The following NCAPH variants were observed in gnomAD, a reference collection of about 807,000 sequenced individuals.
NCAPH encodes the protein non-SMC condensin I complex subunit H, also known as condensin complex subunit 2.
Under a neutral mutation model 85.5 loss-of-function variants are expected in NCAPH, and 38 were observed. That is an observed-to-expected ratio of 0.44 (90% confidence interval 0.34 to 0.58). The LOEUF (loss-of-function observed/expected upper bound fraction) is 0.58, where lower values mean the gene tolerates loss of function less well. Ranked by LOEUF, NCAPH falls within the 20% of genes least tolerant of loss-of-function variation. The pLI, the probability that NCAPH is intolerant of heterozygous loss-of-function variation, is 0.01. For synonymous variants in NCAPH, 301 were observed against 335.1 expected, an observed-to-expected ratio of 0.90 and a Z score of 1.11; for missense variants, 789 against 916.6, an observed-to-expected ratio of 0.86 and a Z score of 1.80.
chr2:96,354,483 T>C, intron 9 of NCAPH, 95 bp downstream of exon 9: 1 of 1,012,962 alleles, frequency 9.9e-7, no homozygotes. Context: ...TTTTTCTTTC[T>C]TTTTTTTTCC....
chr2:96,375,515 C>G lies in NCAPH; in HGVS notation c.*2164C>G, dbSNP rs1448653674. On this transcript the variant is annotated 3_prime_UTR_variant, in exon 18 of 18. Coordinates refer to ENST00000240423, the MANE Select transcript of NCAPH (RefSeq NM_015341.5). ...TAAGGATGCAATGAGAAGGCACCAT[C>G]TGTGAGCAAGGAGCCCCTCACCAGA... Among the ~76,000 whole-genome samples the G allele has an allele frequency of 6.6e-6, 1 of 152,212 alleles. No homozygotes were observed. Among genetic ancestry groups the G allele is most frequent in the African/African-American group, 2.4e-5 (1 of 41,450 alleles).
chr2:96,339,210 TTTTG>T (rs771201484), intron 1 of NCAPH, among the ~76,000 whole-genome samples: 23 of 152,302 alleles, frequency 1.5e-4, no homozygotes, highest in East Asian at 3.9e-4. Context: ...ATGCTGAGGT[TTTTG>T]TTTGTTTGTT....
chr2:96,335,878 G>T, intron 1 of NCAPH, 30 bp downstream of exon 1: 1 of 1,451,670 alleles, frequency 6.9e-7, no homozygotes. Flanking sequence ...GGCGCGGCGG[G>T]AAGGGCCCCT....
At chr2:96,360,521 TA>T in intron 11 of NCAPH, 66 bp from the exon 12 acceptor site, 4 of 1,582,836 alleles carry the variant, frequency 2.5e-6, no homozygotes, top group Non-Finnish European at 3.5e-6. Context: ...CAGACTGCTT[TA>T]AAAAAAGTAA....
At chr2:96,344,002 TCA>T (rs2064330436) in intron 5 of NCAPH, 101 bp from the exon 6 acceptor site, 13 of 1,447,900 alleles carry the variant, frequency 9.0e-6, no homozygotes, top group Non-Finnish European at 1.1e-5. Context: ...ACACCTGGCC[TCA>T]CATGTTTAAA....
At position 96,376,788 on chromosome 2, in the gene NCAPH, T is replaced by C. The variant is rs2064836709; in HGVS notation, c.*3437T>C. 6.6e-6 allele frequency among the ~76,000 whole-genome samples: 1 copy of C among 152,184 alleles called. No homozygotes were observed. Among genetic ancestry groups the C allele is most frequent in the Non-Finnish European group, 1.5e-5 (1 of 68,034 alleles). On this transcript the variant is annotated 3_prime_UTR_variant, in exon 18 of 18. Transcript: ENST00000240423. ...GAGTAGAATTCTCAGTTTTGGTTCA[T>C]TTAAAAATGTTTTTTGGGGGAATTG...
Position 96,360,179 on chromosome 2 carries a change from G to A in NCAPH, c.1394G>A (p.Ser465Asn), listed in dbSNP as rs777733419. ...APSQSENKKK[S>N]TKKDFEIDFE... The stretch of plus-strand genomic sequence containing the variant: ...TCCCAATCAGAAAACAAAAAGAAGA[G>A]TACAAAAAAAGATTTTGAAATTGAC... Residue 465 changes from serine (S) to asparagine (N), a missense_variant, in exon 11 of 18, where the codon AGT becomes AAT. By Grantham distance (46) the Ser-to-Asn change is conservative (BLOSUM62 1). Transcript: ENST00000240423. 5 of 1,591,074 alleles carry A rather than the reference G, an allele frequency of 3.1e-6. No individual in the cohort carries two copies. In the Admixed American group the frequency reaches 8.5e-5, roughly 27 times the overall value.
rs1393319559 is a variant in NCAPH, at chr2:96,374,437, G to A, written c.*1086G>A. 2.0e-5 allele frequency among the ~76,000 whole-genome samples: 3 copies of A among 152,206 alleles called. No individual in the cohort carries two copies. Among genetic ancestry groups the A allele is most frequent in the Non-Finnish European group, 2.9e-5 (2 of 68,046 alleles). ...TGCAATTTGGAACAATATTATAGAT[G>A]TTGATCCAAGTAGTTCTGTTACTGG... On this transcript the variant is annotated 3_prime_UTR_variant, in exon 18 of 18. Coordinates refer to ENST00000240423, the MANE Select transcript of NCAPH (RefSeq NM_015341.5).
At chr2:96,366,434 A>G (rs2064700314) in intron 14 of NCAPH, among the ~76,000 whole-genome samples, 1 of 152,248 alleles carries the variant, frequency 6.6e-6, no homozygotes, top group African/African-American at 2.4e-5. Flanking sequence ...TTAAACATTT[A>G]TCTCTTCCAT....
At chr2:96,365,787 C>T in intron 13 of NCAPH, 89 bp from the exon 14 acceptor site, 3 of 1,337,666 alleles carry the variant, frequency 2.2e-6, no homozygotes, top group Non-Finnish European at 3.2e-6. Flanking sequence ...ATGGTCTCTT[C>T]TTGCTTTGTA....
rs1215078854 is a variant in NCAPH at position 96,353,344 on chromosome 2, C to T, written c.949C>T (p.Pro317Ser). The T allele has an allele frequency of 8.7e-6, 14 of 1,614,112 alleles. No individual in the cohort carries two copies. Among genetic ancestry groups the T allele is most frequent in the Non-Finnish European group, 1.2e-5 (14 of 1,180,046 alleles). Residue 317 changes from proline (P) to serine (S), a missense_variant, in exon 8 of 18, where the codon CCT becomes TCT. By Grantham distance (74) the Pro-to-Ser change is moderately conservative. Coordinates refer to ENST00000240423, the MANE Select transcript of NCAPH (RefSeq NM_015341.5). ...GTGTGCAGAAGATCGCCAGATCTGCCCTTCCCTGGCCGGGTTCCAGTTTAC... is the reference window on the plus strand; with the variant it reads ...GTGTGCAGAAGATCGCCAGATCTGCTCTTCCCTGGCCGGGTTCCAGTTTAC... The part of the protein sequence containing the change: ...QQCAEDRQIC[P>S]SLAGFQFTQW...
chr2:96,336,128 C>T (rs924228364), intron 1 of NCAPH, among the ~76,000 whole-genome samples: 1 of 152,090 alleles, frequency 6.6e-6, no homozygotes, highest in South Asian at 2.1e-4. Flanking sequence ...GGCGGTGGGG[C>T]GGCCTCCTCC....
chr2:96,363,023 G>A (rs1375800884), intron 12 of NCAPH, among the ~76,000 whole-genome samples: 9 of 152,182 alleles, frequency 5.9e-5, no homozygotes, highest in African/African-American at 1.9e-4. Context: ...GTTGATTGAT[G>A]TAGCAAACTT....
chr2:96,368,931 A>AC, intron 15 of NCAPH, 41 bp from the exon 16 acceptor site: 3 of 1,536,110 alleles, frequency 2.0e-6, no homozygotes, highest in East Asian at 2.5e-5. Context: ...TCAAAAGTGC[A>AC]CTAGCCCTAA....
chr2:96,359,985 AG>A (rs781046625), intron 10 of NCAPH, among the ~76,000 whole-genome samples, 157 bp from the exon 11 acceptor site: 2 of 152,190 alleles, frequency 1.3e-5, no homozygotes, highest in African/African-American at 2.4e-5. Flanking sequence ...GGATGAAAAG[AG>A]GGTGTGTGAT....
intron 1 of NCAPH, among the ~76,000 whole-genome samples, chr2:96,337,763 G>T (rs1324025108): frequency 2.0e-5 from 3 of 152,172 alleles, no homozygotes; most frequent in Non-Finnish European, 4.4e-5. Flanking sequence ...CCAGGCTGGA[G>T]TGCGTGGCTA....
chr2:96,342,252 G>A lies in NCAPH; in HGVS notation c.363+112G>A. On this transcript the variant is annotated intron_variant, in intron 3 of 17. Transcript: ENST00000240423. ...ATCAATGATGATAATTCTCTGGTGA[G>A]TCATCTTAGTGCTGGTGGTTTTACT... 2.9e-6 allele frequency: 3 copies of A among 1,020,904 alleles called. 1 individual carries two copies. In the South Asian group the frequency reaches 4.2e-5, roughly 14 times the overall value. 63.2% of individuals were successfully genotyped at this position (1,020,904 alleles called of 1,614,324 possible). A position where few individuals can be genotyped will look rare whatever the true frequency, so the allele number is the denominator to read the frequency against.
At chr2:96,359,714 T>TC (rs2064578062) in intron 10 of NCAPH, among the ~76,000 whole-genome samples, 1 of 152,218 alleles carries the variant, frequency 6.6e-6, no homozygotes, top group Non-Finnish European at 1.5e-5. Flanking sequence ...AGCCTTGACC[T>TC]CCTGGGCTTA....
intron 17 of NCAPH, among the ~76,000 whole-genome samples, chr2:96,372,430 C>T (rs2064786466): frequency 1.3e-5 from 2 of 152,206 alleles, no homozygotes; most frequent in South Asian, 2.1e-4. Context: ...AATATAGTAG[C>T]CCCCTGTTTC....
Sources: allele counts gnomAD v4.1 joint callset (sites outside exome capture counted in the v4.1 genomes callset), GRCh38; gene constraint gnomAD v4.1.1; transcripts MANE v1.5; gene names NCBI Gene and HGNC (gene_info 2026-07-23, HGNC 2026-07-21).